ITGA2: variants seen among roughly 807,000 people sequenced by gnomAD.
The protein encoded by ITGA2 is integrin alpha-2.
In ITGA2, 101 loss-of-function variants were observed where a neutral mutation model predicts 146.3. The ratio of observed to expected loss-of-function variants is 0.69; its 90% CI spans 0.59 to 0.81. The LOEUF is 0.81. ITGA2 is among the 40% of genes least tolerant of loss of function. ITGA2 has a pLI of 0.00. For missense variants in ITGA2, 1,281 were observed against 1,402.7 expected, an observed-to-expected ratio of 0.91 and a Z score of 1.39; for synonymous variants, 477 against 487.1, an observed-to-expected ratio of 0.98 and a Z score of 0.27.
At chr5:53,036,135 A>C (rs754594851) in intron 2 of ITGA2, among the ~76,000 whole-genome samples, 2 of 152,008 alleles carry the variant, frequency 1.3e-5, no homozygotes, top group Non-Finnish European at 2.9e-5. Context: ...TCTATCTAAA[A>C]CAAGACCACC....
At chr5:53,015,274 C>CAA (rs1439388798) in intron 1 of ITGA2, among the ~76,000 whole-genome samples, 1 of 152,000 alleles carries the variant, frequency 6.6e-6, no homozygotes, top group Non-Finnish European at 1.5e-5. Flanking sequence ...TTGCTGTGTC[C>CAA]CAGAGATTCT....
intron 2 of ITGA2, among the ~76,000 whole-genome samples, chr5:53,034,902 C>T (rs373224950): frequency 6.6e-6 from 1 of 152,100 alleles, no homozygotes; most frequent in Non-Finnish European, 1.5e-5. Context: ...GTAAAAAGAA[C>T]CAGCAATTTT....
At chr5:53,037,752 T>A (rs1481159674) in intron 2 of ITGA2, among the ~76,000 whole-genome samples, 2 of 152,180 alleles carry the variant, frequency 1.3e-5, no homozygotes, top group Non-Finnish European at 2.9e-5. Context: ...GCCTACTTAT[T>A]AATGTGGTTC....
chr5:53,090,790 C>CA lies in ITGA2; in HGVS notation c.*192dup. 7.7e-6 allele frequency: 3 copies of CA among 391,120 alleles called. No individual in the cohort carries two copies. The highest frequency in any genetic ancestry group is 1.3e-5 in the Non-Finnish European group (3 of 226,438). The allele number at this position is 391,120 out of a possible 1,614,324, so 24.2% of individuals were successfully genotyped here. A position where few individuals can be genotyped will look rare whatever the true frequency, so the allele number is the denominator to read the frequency against. On this transcript the variant is annotated 3_prime_UTR_variant, in exon 30 of 30. Coordinates refer to ENST00000296585, the MANE Select transcript of ITGA2 (RefSeq NM_002203.4). ...TGGGGGGTGGGGGAGGTGCGGGGGGCAGGTAGGGAAATAATAGGGAAAATA... is the reference window on the plus strand; with the variant it reads ...TGGGGGGTGGGGGAGGTGCGGGGGGCAAGGTAGGGAAATAATAGGGAAAATA...
intron 1 of ITGA2, among the ~76,000 whole-genome samples, chr5:53,016,171 A>G (rs918091491): frequency 2.0e-5 from 3 of 152,172 alleles, no homozygotes; most frequent in Admixed American, 6.5e-5. Context: ...TAGTTGCTTT[A>G]TAGTGTCAAT....
In ITGA2 at chr5:52,998,842, G is replaced by A. The variant is rs61218721; in HGVS notation, c.64+9310G>A. On this transcript the variant is annotated intron_variant, in intron 1 of 29. Transcript: ENST00000296585. ...AGCCATGTATGACAGCTACTGTAAG[G>A]GGATTAAAGACACACTTTCTGAATG... is the stretch of plus-strand genomic sequence containing the variant. Among the ~76,000 whole-genome samples, 859 of 152,220 alleles carry A rather than the reference G, an allele frequency of 5.6e-3. 5 individuals carry two copies. The highest frequency in any genetic ancestry group is 0.02 in the African/African-American group (827 of 41,534).
chr5:53,053,494 G>A (rs528815548), intron 7 of ITGA2, among the ~76,000 whole-genome samples: 1 of 152,216 alleles, frequency 6.6e-6, no homozygotes, highest in East Asian at 1.9e-4. Context: ...GCAACGGCCC[G>A]GTTTTCAGCA....
rs370881847 is a variant in ITGA2 at position 53,085,912 on chromosome 5, CT to C, written c.3259-1030del. On this transcript the variant is annotated intron_variant, in intron 27 of 29. Transcript: ENST00000296585. ...ATAATGTTTCTATTGAAAAAATAGA[CT>C]TTTTTTTTTCCCCCAGACAGAGCCT... Among the ~76,000 whole-genome samples, 406 of 149,736 alleles carry C rather than the reference CT, an allele frequency of 2.7e-3. 1 individual carries two copies. In the South Asian group the frequency reaches 0.028, roughly 10 times the overall value.
At chr5:53,065,731 C>G in intron 14 of ITGA2, 110 bp from the exon 15 acceptor site, 1 of 1,384,006 alleles carries the variant, frequency 7.2e-7, no homozygotes, top group East Asian at 2.4e-5. Flanking sequence ...AGAGAATAAA[C>G]ACAATCTGGG....
intron 1 of ITGA2, among the ~76,000 whole-genome samples, chr5:52,994,181 G>A (rs1373317780): frequency 6.6e-6 from 1 of 152,202 alleles, no homozygotes; most frequent in Non-Finnish European, 1.5e-5. Context: ...ATGTAAGGCT[G>A]TGTGTTAGGC....
Position 53,070,126 on chromosome 5 carries a change from A to T in ITGA2, c.2101A>T (p.Thr701Ser), listed in dbSNP as rs1181055860. Residue 701 changes from threonine (T) to serine (S), a missense_variant, in exon 17 of 30, where the codon ACA (threonine) becomes TCA (serine). Thr to Ser is a moderately conservative substitution (Grantham distance 58). This residue lies in a region of ITGA2 where 795 missense variants were observed against 841.7 expected (regional missense o/e 0.94). Coordinates refer to ENST00000296585, the MANE Select transcript of ITGA2 (RefSeq NM_002203.4). The stretch of plus-strand genomic sequence containing the variant: ...TATCATAGCCATTGTATATAACATC[A>T]CACTTGATGCAGATGGATTTTCATC... ...NNQVAIVYNI[T>S]LDADGFSSRV... 5.6e-6 allele frequency: 9 copies of T among 1,610,908 alleles called. No individual in the cohort carries two copies. The South Asian group carries it at 9.9e-5, about 18-fold the overall frequency.
chr5:53,025,629 C>T (rs182575308), intron 1 of ITGA2, among the ~76,000 whole-genome samples: 403 of 152,304 alleles, frequency 2.6e-3, no homozygotes, highest in Non-Finnish European at 3.9e-3. Flanking sequence ...CTTTTTCTTC[C>T]GGCCTTTCAG....
chr5:53,085,291 G>C (rs3212629), intron 27 of ITGA2, among the ~76,000 whole-genome samples: 16,938 of 152,036 alleles, frequency 0.11, 1,149 homozygotes, highest in African/African-American at 0.19. Context: ...ATTGATCAGG[G>C]CTCCAAATTG....
chr5:53,007,521 A>T (rs1255666614), intron 1 of ITGA2, among the ~76,000 whole-genome samples: 1 of 152,142 alleles, frequency 6.6e-6, no homozygotes. Context: ...GAGAGAAAAA[A>T]AAAAGAGAAA....
At chr5:53,068,438 G>A (rs368654430) in intron 16 of ITGA2, among the ~76,000 whole-genome samples, 1 of 151,794 alleles carries the variant, frequency 6.6e-6, no homozygotes, top group Admixed American at 6.6e-5. Flanking sequence ...ATATTATTTG[G>A]CAGAAACAGC....
intron 1 of ITGA2, among the ~76,000 whole-genome samples, chr5:53,001,813 TAAAA>T (rs34186143): frequency 2.7e-5 from 3 of 110,296 alleles, no homozygotes; most frequent in South Asian, 3.1e-4. Flanking sequence ...AGGCCCTTTC[TAAAA>T]AAAAAAAAAA....
chr5:53,029,660 C>G (rs1284703918), intron 2 of ITGA2, among the ~76,000 whole-genome samples: 1 of 152,214 alleles, frequency 6.6e-6, no homozygotes, highest in Non-Finnish European at 1.5e-5. Context: ...CTTAAATGAT[C>G]TATACTTGTT....
chr5:53,016,482 AGG>A (rs1742404889), intron 1 of ITGA2, among the ~76,000 whole-genome samples: 2 of 152,168 alleles, frequency 1.3e-5, no homozygotes, highest in South Asian at 4.1e-4. Context: ...TTCCCTTTAT[AGG>A]TGACCTAGCC....
At chr5:53,069,588 T>G (rs1745294367) in intron 16 of ITGA2, among the ~76,000 whole-genome samples, 1 of 151,918 alleles carries the variant, frequency 6.6e-6, no homozygotes, top group African/African-American at 2.4e-5. Flanking sequence ...TACCCAACTT[T>G]TACTTCTGAC....
Sources: allele counts gnomAD v4.1 joint callset (sites outside exome capture counted in the v4.1 genomes callset), GRCh38; gene constraint gnomAD v4.1.1; regional missense constraint gnomAD v4.1.1; transcripts MANE v1.5; gene names NCBI Gene and HGNC (gene_info 2026-07-23, HGNC 2026-07-21).